Variants in RPSA2 observed in about 807,000 individuals in gnomAD.
RPSA2 encodes small ribosomal subunit protein uS2B.
chr19:23,827,835 A>T, the RPSA2 span: 1 of 1,466,376 alleles, frequency 6.8e-7, no homozygotes, highest in South Asian at 1.1e-5. Flanking sequence ...GTGACCAAGG[A>T]GGAATTTCAG....
the RPSA2 span, among the ~76,000 whole-genome samples, chr19:23,781,059 C>G: frequency 3.3e-5 from 5 of 152,304 alleles, no homozygotes; most frequent in East Asian, 5.8e-4. Flanking sequence ...ACTGCAACCT[C>G]CACCTACCAG....
At chr19:23,808,091 T>C in the RPSA2 span, among the ~76,000 whole-genome samples, 19 of 152,306 alleles carry the variant, frequency 1.2e-4, no homozygotes, top group East Asian at 3.7e-3. Flanking sequence ...CTTCAAGATA[T>C]TTCATCTTGA....
chr19:23,795,968 T>G, the RPSA2 span, among the ~76,000 whole-genome samples: 1 of 152,158 alleles, frequency 6.6e-6, no homozygotes. Context: ...TTTTGCCATG[T>G]CAGCCAGGTT....
At chr19:23,780,746 C>T in the RPSA2 span, among the ~76,000 whole-genome samples, 4 of 152,214 alleles carry the variant, frequency 2.6e-5, no homozygotes, top group East Asian at 3.9e-4. Context: ...AGCAGCACAA[C>T]GTTCTCAGAG....
the RPSA2 span, among the ~76,000 whole-genome samples, chr19:23,792,686 T>C: frequency 6.6e-6 from 1 of 151,858 alleles, no homozygotes; most frequent in Non-Finnish European, 1.5e-5. Flanking sequence ...GGCTAATTTT[T>C]GTATTTTTAG....
the RPSA2 span, among the ~76,000 whole-genome samples, chr19:23,786,102 C>G: frequency 6.6e-6 from 1 of 152,138 alleles, no homozygotes; most frequent in Non-Finnish European, 1.5e-5. Flanking sequence ...AGTACTTTAG[C>G]GGGTGAAAAT....
the RPSA2 span, among the ~76,000 whole-genome samples, chr19:23,866,243 G>A: frequency 3.3e-5 from 5 of 152,204 alleles, no homozygotes; most frequent in Admixed American, 2.0e-4. Flanking sequence ...GGAGCCTTAT[G>A]CACAATTTAT....
chr19:23,774,120 G>A, the RPSA2 span, among the ~76,000 whole-genome samples: 11 of 152,182 alleles, frequency 7.2e-5, no homozygotes, highest in South Asian at 2.3e-3. Flanking sequence ...ATATCGCTGG[G>A]CCTTGCACTT....
At chr19:23,818,381 G>A in the RPSA2 span, 1 of 152,278 alleles carries the variant, frequency 6.6e-6, no homozygotes, top group African/African-American at 2.4e-5. Context: ...TCTAAGTCTT[G>A]ACTGGAATAT....
chr19:23,785,204 G>C, the RPSA2 span, among the ~76,000 whole-genome samples: 4 of 152,148 alleles, frequency 2.6e-5, no homozygotes, highest in Non-Finnish European at 5.9e-5. Flanking sequence ...TTAGGTGATG[G>C]GAATCTTTTT....
chr19:23,852,747 G>A, the RPSA2 span, among the ~76,000 whole-genome samples: 1 of 152,204 alleles, frequency 6.6e-6, no homozygotes, highest in African/African-American at 2.4e-5. Flanking sequence ...CAGTCTTGGG[G>A]CCAGTTTATG....
At chr19:23,845,981 A>G in the RPSA2 span, among the ~76,000 whole-genome samples, 4 of 152,078 alleles carry the variant, frequency 2.6e-5, no homozygotes, top group Non-Finnish European at 5.9e-5. Flanking sequence ...TCCTATCTCA[A>G]TGGTCTCTCT....
the RPSA2 span, among the ~76,000 whole-genome samples, chr19:23,824,709 T>A: frequency 6.0e-5 from 9 of 150,910 alleles, no homozygotes; most frequent in Admixed American, 3.3e-4. Flanking sequence ...ACCATGTACC[T>A]TTTTTTGTAG....
the RPSA2 span, among the ~76,000 whole-genome samples, chr19:23,758,580 C>G: frequency 6.6e-6 from 1 of 152,226 alleles, no homozygotes; most frequent in Admixed American, 6.5e-5. Context: ...AGAAAGGACG[C>G]CCGGGGGGCT....
chr19:23,798,630 A>C, the RPSA2 span, among the ~76,000 whole-genome samples: 2 of 151,708 alleles, frequency 1.3e-5, no homozygotes, highest in Non-Finnish European at 2.9e-5. Context: ...ATACATTATG[A>C]CTAGTATGTT....
At chr19:23,854,507 C>G in the RPSA2 span, among the ~76,000 whole-genome samples, 2 of 152,138 alleles carry the variant, frequency 1.3e-5, no homozygotes, top group African/African-American at 4.8e-5. Flanking sequence ...CTGAGGTGTT[C>G]CATTTGATAT....
chr19:23,766,741 A>G, the RPSA2 span, among the ~76,000 whole-genome samples: 1 of 141,992 alleles, frequency 7.0e-6, no homozygotes, highest in African/African-American at 2.6e-5. Context: ...GGCCTGAGCC[A>G]CCGTGCCGGG....
At chr19:23,784,815 T>G in the RPSA2 span, among the ~76,000 whole-genome samples, 5 of 152,164 alleles carry the variant, frequency 3.3e-5, no homozygotes, top group African/African-American at 1.2e-4. Flanking sequence ...GACTGGTGAC[T>G]CTGAGACCAA....
the RPSA2 span, among the ~76,000 whole-genome samples, chr19:23,852,499 C>A: frequency 6.6e-6 from 1 of 152,196 alleles, no homozygotes; most frequent in Non-Finnish European, 1.5e-5. Flanking sequence ...GTTAAACTAA[C>A]TAAAAGTATC....
Sources: gnomAD v4.1 joint callset for allele counts (sites outside exome capture counted in the v4.1 genomes callset) on GRCh38, gnomAD v4.1.1 for gene constraint, MANE v1.5 for transcripts, NCBI Gene and HGNC (gene_info 2026-07-23, HGNC 2026-07-21) for gene names.